Variants in FBLN7 observed in about 807,000 individuals in gnomAD.
FBLN7 encodes fibulin-7.
In FBLN7, 31 loss-of-function variants were observed where a neutral mutation model predicts 44.0. The observed-to-expected ratio is 0.70, with a 90% CI of 0.53 to 0.95. FBLN7 has a LOEUF of 0.95. Ranked by LOEUF, FBLN7 falls within the 40% of genes least tolerant of loss-of-function variation. FBLN7 has a pLI of 0.00. For synonymous variants in FBLN7, 262 were observed against 253.4 expected (o/e 1.03, Z -0.32); for missense variants, 573 against 618.5 (o/e 0.93, Z 0.78).
At chr2:112,233,462 G>A in the FBLN7 span, 2 of 868,980 alleles carry the variant, frequency 2.3e-6, no homozygotes, top group Non-Finnish European at 3.6e-6. Context: ...ATAAGCAAAT[G>A]ATTCCAGAAA....
chr2:112,230,334 A>G, the FBLN7 span, among the ~76,000 whole-genome samples: 171 of 152,334 alleles, frequency 1.1e-3, 1 homozygote, highest in East Asian at 0.019. Flanking sequence ...TGATGATATG[A>G]TTCTACTCCT....
chr2:112,146,835 G>A (rs1187495116), intron 1 of FBLN7, among the ~76,000 whole-genome samples: 1 of 152,110 alleles, frequency 6.6e-6, no homozygotes, highest in African/African-American at 2.4e-5. Context: ...AAAATTTCAA[G>A]TACAGTTTTT....
chr2:112,144,335 A>G (rs1271378012), intron 1 of FBLN7, among the ~76,000 whole-genome samples: 2 of 152,180 alleles, frequency 1.3e-5, no homozygotes, highest in East Asian at 1.9e-4. Context: ...TTATTTTCAC[A>G]TTGAAAATCA....
intron 6 of FBLN7, among the ~76,000 whole-genome samples, 173 bp from the exon 7 acceptor site, chr2:112,185,028 T>G (rs1007287382): frequency 6.6e-6 from 1 of 151,812 alleles, no homozygotes; most frequent in Non-Finnish European, 1.5e-5. Context: ...CCCTGGCATT[T>G]CCTCAGGGCC....
chr2:112,177,772 C>A (rs764341679), intron 4 of FBLN7: 1 of 152,164 alleles, frequency 6.6e-6, no homozygotes, highest in Non-Finnish European at 1.5e-5. Context: ...GCTCTAGGGA[C>A]CTCATCTAAG....
chr2:112,241,006 G>T, the FBLN7 span, among the ~76,000 whole-genome samples: 3 of 129,390 alleles, frequency 2.3e-5, no homozygotes, highest in Non-Finnish European at 3.5e-5. Context: ...TGTGTGTTGT[G>T]TTTTGTGTGT....
chr2:112,173,033 C>G lies in FBLN7; in HGVS notation c.407-2681C>G, dbSNP rs1012604390. Among the ~76,000 whole-genome samples, 10 of 152,264 alleles carry G rather than the reference C, an allele frequency of 6.6e-5. No homozygotes were observed. The South Asian group carries it at 2.1e-3, about 32-fold the overall frequency. On this transcript the variant is annotated intron_variant, in intron 3 of 7. Transcript: ENST00000331203. ...GGGCAAAGTCTTAATATTAAGGAGA[C>G]TTTAACGGGAGGAGAGTCCAAACTG...
intron 6 of FBLN7, 61 bp downstream of exon 6, chr2:112,182,989 G>T: frequency 6.3e-7 from 1 of 1,587,058 alleles, no homozygotes. Context: ...TGAACCCCCA[G>T]GACCTCACAG....
At chr2:112,188,385 T>G (rs1161163934), downstream of FBLN7, 6 of 152,188 alleles carry the variant, frequency 3.9e-5, no homozygotes, top group Non-Finnish European at 7.3e-5. Flanking sequence ...CATGGGAGAT[T>G]GGTAAGGACA....
the FBLN7 span, among the ~76,000 whole-genome samples, chr2:112,225,382 G>T: frequency 6.6e-6 from 1 of 152,256 alleles, no homozygotes; most frequent in East Asian, 1.9e-4. Flanking sequence ...GGAGGCTTAG[G>T]TAGAAGGATT....
At chr2:112,243,988 T>C in the FBLN7 span, among the ~76,000 whole-genome samples, 1 of 146,642 alleles carries the variant, frequency 6.8e-6, no homozygotes, top group Non-Finnish European at 1.5e-5. Flanking sequence ...TAATGATAAA[T>C]AGAAACAGAG....
At chr2:112,234,603 C>T in the FBLN7 span, among the ~76,000 whole-genome samples, 1 of 152,112 alleles carries the variant, frequency 6.6e-6, no homozygotes, top group Admixed American at 6.5e-5. Flanking sequence ...GAGTTCAAGA[C>T]CAGCCTGGCC....
chr2:112,222,962 T>C, the FBLN7 span, among the ~76,000 whole-genome samples: 1 of 152,226 alleles, frequency 6.6e-6, no homozygotes, highest in African/African-American at 2.4e-5. Flanking sequence ...TAAAAAACTT[T>C]TAAAGTATCC....
chr2:112,227,013 G>C, the FBLN7 span, among the ~76,000 whole-genome samples: 1 of 152,096 alleles, frequency 6.6e-6, no homozygotes, highest in South Asian at 2.1e-4. Context: ...CATGATAAAA[G>C]TACTCAAAAA....
the FBLN7 span, among the ~76,000 whole-genome samples, chr2:112,205,533 A>G: frequency 6.6e-6 from 1 of 152,120 alleles, no homozygotes; most frequent in Non-Finnish European, 1.5e-5. Flanking sequence ...AAAGATAACA[A>G]AACAAATAAT....
At chr2:112,151,229 A>G (rs1471887340) in intron 1 of FBLN7, 1 of 152,260 alleles carries the variant, frequency 6.6e-6, no homozygotes, top group African/African-American at 2.4e-5. Flanking sequence ...GTGCCTGAGT[A>G]CATTGTCAGG....
At chr2:112,234,627 C>T in the FBLN7 span, among the ~76,000 whole-genome samples, 2 of 152,072 alleles carry the variant, frequency 1.3e-5, no homozygotes, top group Non-Finnish European at 2.9e-5. Flanking sequence ...ACAGTGAAAC[C>T]TCATCTCTAC....
intron 1 of FBLN7, among the ~76,000 whole-genome samples, chr2:112,141,500 A>C (rs1680646814): frequency 6.6e-6 from 1 of 152,202 alleles, no homozygotes; most frequent in African/African-American, 2.4e-5. Flanking sequence ...TTAGTGCAGA[A>C]GGTAGTGAGG....
the FBLN7 span, among the ~76,000 whole-genome samples, chr2:112,241,447 C>G: frequency 6.9e-4 from 105 of 152,304 alleles, no homozygotes; most frequent in African/African-American, 2.2e-3. Flanking sequence ...AGACCCCCCC[C>G]TCAAGGGCCT....
Sources: gnomAD v4.1 joint callset for allele counts (sites outside exome capture counted in the v4.1 genomes callset) on GRCh38, gnomAD v4.1.1 for gene constraint, MANE v1.5 for transcripts, NCBI Gene and HGNC (gene_info 2026-07-23, HGNC 2026-07-21) for gene names.